SLIT2: variants seen among roughly 807,000 people sequenced by gnomAD.
The protein encoded by SLIT2 is slit guidance ligand 2.
A neutral mutation model predicts 185.7 loss-of-function variants in SLIT2; 41 were observed. The ratio of observed to expected loss-of-function variants is 0.22; its 90% confidence interval spans 0.17 to 0.29. SLIT2 has a LOEUF of 0.29. Among genes scored for constraint, SLIT2 ranks in the 10% least tolerant of loss-of-function variants. The probability of loss-of-function intolerance (pLI) is 1.00; values close to 1 mark genes in which losing one functional copy is unlikely to be tolerated. For synonymous variants in SLIT2, 693 were observed against 680.2 expected (o/e 1.02, Z -0.29); for missense variants, 1,571 against 1,909.0 (o/e 0.82, Z 3.30).
At chr4:20,486,526 A>G (rs969738247) in intron 7 of SLIT2, among the ~76,000 whole-genome samples, 1 of 152,162 alleles carries the variant, frequency 6.6e-6, no homozygotes, top group African/African-American at 2.4e-5. Context: ...GCTATTGTGG[A>G]GGTCACATTT....
chr4:20,263,499 T>A (rs1166543560), intron 3 of SLIT2, among the ~76,000 whole-genome samples: 1 of 151,744 alleles, frequency 6.6e-6, no homozygotes, highest in Non-Finnish European at 1.5e-5. Context: ...TTCTTCGACA[T>A]CTTATTTTAT....
intron 26 of SLIT2, among the ~76,000 whole-genome samples, chr4:20,562,863 T>C (rs1366152795): frequency 6.6e-6 from 1 of 151,708 alleles, no homozygotes; most frequent in Non-Finnish European, 1.5e-5. Context: ...AGAAGGGCAG[T>C]GCTAGAGGAT....
At chr4:20,263,336 T>A (rs1184061453) in intron 3 of SLIT2, among the ~76,000 whole-genome samples, 1 of 151,808 alleles carries the variant, frequency 6.6e-6, no homozygotes, top group Non-Finnish European at 1.5e-5. Flanking sequence ...CAATATTGCT[T>A]TACGATAATA....
chr4:20,344,937 T>C (rs1311401779), intron 4 of SLIT2, among the ~76,000 whole-genome samples: 4 of 152,322 alleles, frequency 2.6e-5, no homozygotes, highest in Non-Finnish European at 5.9e-5. Flanking sequence ...TTAAATTCTG[T>C]AGTGCTTACC....
At chr4:20,363,824 A>G (rs906022972) in intron 4 of SLIT2, among the ~76,000 whole-genome samples, 4 of 152,150 alleles carry the variant, frequency 2.6e-5, no homozygotes, top group African/African-American at 9.6e-5. Context: ...TCCTGCAACT[A>G]TTTATAAGAG....
intron 4 of SLIT2, among the ~76,000 whole-genome samples, chr4:20,358,852 C>T (rs1722533033): frequency 6.6e-6 from 1 of 152,052 alleles, no homozygotes; most frequent in African/African-American, 2.4e-5. Flanking sequence ...TTGGATTGTT[C>T]AAGTCAATAG....
chr4:20,453,503 G>T (rs887606192), intron 4 of SLIT2, among the ~76,000 whole-genome samples: 44 of 152,084 alleles, frequency 2.9e-4, no homozygotes, highest in African/African-American at 1.0e-3. Context: ...GTAAGGCCCT[G>T]TGCTTAATAT....
chr4:20,316,227 A>G (rs969454115), intron 4 of SLIT2, among the ~76,000 whole-genome samples: 3 of 152,076 alleles, frequency 2.0e-5, no homozygotes, highest in Admixed American at 2.0e-4. Context: ...TCTGCAGGTT[A>G]TAAACATGTC....
chr4:20,396,540 T>C lies in SLIT2; in HGVS notation c.396-71212T>C, dbSNP rs1285994635. Among the ~76,000 whole-genome samples the C allele has an allele frequency of 3.3e-5, 5 of 151,762 alleles. No homozygotes were observed. The Admixed American group carries it at 3.3e-4, about 10-fold the overall frequency. On this transcript the variant is annotated intron_variant, in intron 4 of 36. Transcript: ENST00000504154. Reference sequence around the variant, plus strand: ...TGTTATTACCAGAAAGGTTGATAATTTGCAAAATAAGTACAGATAAGTGAA... The same window carrying C: ...TGTTATTACCAGAAAGGTTGATAATCTGCAAAATAAGTACAGATAAGTGAA...
intron 5 of SLIT2, among the ~76,000 whole-genome samples, chr4:20,471,056 T>C (rs1306217955): frequency 2.6e-5 from 4 of 152,148 alleles, no homozygotes; most frequent in Non-Finnish European, 2.9e-5. Flanking sequence ...AAAAGAACAA[T>C]TTATTCCCAC....
At chr4:20,370,308 T>A (rs916619003) in intron 4 of SLIT2, among the ~76,000 whole-genome samples, 1 of 152,080 alleles carries the variant, frequency 6.6e-6, no homozygotes, top group Non-Finnish European at 1.5e-5. Flanking sequence ...ATTGAATATT[T>A]CAATCGATTA....
intron 4 of SLIT2, among the ~76,000 whole-genome samples, chr4:20,446,669 G>A (rs761661570): frequency 6.6e-6 from 1 of 152,192 alleles, no homozygotes; most frequent in Non-Finnish European, 1.5e-5. Flanking sequence ...AAATGGCTAT[G>A]TCAGAGAACA....
intron 3 of SLIT2, among the ~76,000 whole-genome samples, chr4:20,265,484 A>G (rs1172037590): frequency 6.6e-6 from 1 of 151,926 alleles, no homozygotes; most frequent in Non-Finnish European, 1.5e-5. Flanking sequence ...TTGTATCCAT[A>G]TTACCACATT....
At chr4:20,374,309 T>A (rs1723835130) in intron 4 of SLIT2, among the ~76,000 whole-genome samples, 1 of 152,142 alleles carries the variant, frequency 6.6e-6, no homozygotes, top group Admixed American at 6.6e-5. Flanking sequence ...ATTGAGTTAC[T>A]TTTTCCTAGC....
chr4:20,552,528 CCT>C (rs1723861299), intron 25 of SLIT2: 3 of 151,994 alleles, frequency 2.0e-5, no homozygotes, highest in Non-Finnish European at 4.4e-5. Flanking sequence ...CACTTCCTCC[CCT>C]GTCACATCAA....
chr4:20,566,458 T>G (rs1390586003), intron 26 of SLIT2, among the ~76,000 whole-genome samples: 2 of 152,202 alleles, frequency 1.3e-5, no homozygotes, highest in East Asian at 1.9e-4. Context: ...TAGTCATTTG[T>G]CCAATAAGTA....
chr4:20,572,848 G>A (rs952860392), intron 29 of SLIT2, among the ~76,000 whole-genome samples: 1 of 152,148 alleles, frequency 6.6e-6, no homozygotes, highest in Non-Finnish European at 1.5e-5. Flanking sequence ...CAGATTGGGT[G>A]TGTAAAGCCT....
Position 20,618,818 on chromosome 4 carries a change from G to A in SLIT2, c.4399G>A (p.Gly1467Ser). 1 of 1,613,250 alleles carries A rather than the reference G, an allele frequency of 6.2e-7. No individual in the cohort carries two copies. The highest frequency in any genetic ancestry group is 1.3e-5 in the African/African-American group (1 of 75,028). ...RIRDYYQKQQ[G>S]YAACQTTKKV... is the part of the protein sequence containing the mutation. ...AAGAGATTATTACCAAAAGCAGCAGGGCTATGCTGCTTGCCAAACAACCAA... is the reference window on the plus strand; with the variant it reads ...AAGAGATTATTACCAAAAGCAGCAGAGCTATGCTGCTTGCCAAACAACCAA... The change falls in exon 37 of 37, where the codon GGC (glycine) becomes AGC (serine). Residue 1467 changes from glycine (G) to serine (S), a missense_variant. Coordinates refer to ENST00000504154, the MANE Select transcript of SLIT2 (RefSeq NM_004787.4).
At chr4:20,560,962 A>G (rs1338372442) in intron 26 of SLIT2, among the ~76,000 whole-genome samples, 2 of 151,900 alleles carry the variant, frequency 1.3e-5, no homozygotes, top group Non-Finnish European at 2.9e-5. Flanking sequence ...TAAATAGATA[A>G]TTCTAAAAAA....
Sources: gnomAD v4.1 joint callset for allele counts (sites outside exome capture counted in the v4.1 genomes callset) on GRCh38, gnomAD v4.1.1 for gene constraint, MANE v1.5 for transcripts, NCBI Gene and HGNC (gene_info 2026-07-23, HGNC 2026-07-21) for gene names.